Variants in RANBP3 observed in about 807,000 individuals in gnomAD.
RANBP3 encodes RAN binding protein 3.
A neutral mutation model predicts 77.3 loss-of-function variants in RANBP3; 14 were observed. The ratio of observed to expected loss-of-function variants is 0.18; its 90% confidence interval spans 0.12 to 0.28. The LOEUF (loss-of-function observed/expected upper bound fraction) is 0.28, where lower values mean the gene tolerates loss of function less well. Among genes scored for constraint, RANBP3 ranks in the 10% least tolerant of loss-of-function variants. The probability of loss-of-function intolerance (pLI) is 1.00; values close to 1 mark genes in which losing one functional copy is unlikely to be tolerated. For synonymous variants in RANBP3, 315 were observed against 312.4 expected (o/e 1.01, Z -0.09); for missense variants, 586 against 752.3 (o/e 0.78, Z 2.59).
At chr19:5,975,309 AG>A (rs1178224685) in intron 1 of RANBP3, among the ~76,000 whole-genome samples, 5 of 152,142 alleles carry the variant, frequency 3.3e-5, no homozygotes, top group African/African-American at 1.2e-4. Flanking sequence ...GGCACTTACT[AG>A]GGAAAAAAAG....
At chr19:5,925,813 C>A in intron 9 of RANBP3, 76 bp from the exon 10 acceptor site, 1 of 1,232,146 alleles carries the variant, frequency 8.1e-7, no homozygotes, top group Non-Finnish European at 1.2e-6. Context: ...GTCTGCAGAC[C>A]CCCTGAGCTG....
At chr19:5,964,062 G>A (rs931922709) in intron 1 of RANBP3, among the ~76,000 whole-genome samples, 3 of 152,170 alleles carry the variant, frequency 2.0e-5, no homozygotes, top group African/African-American at 7.2e-5. Flanking sequence ...GCTGGCATCC[G>A]GGCCCACGGT....
At chr19:5,919,486 C>T (rs567410227) in intron 14 of RANBP3, among the ~76,000 whole-genome samples, 1 of 152,338 alleles carries the variant, frequency 6.6e-6, no homozygotes, top group African/African-American at 2.4e-5. Context: ...GGTACTGCTG[C>T]CACGGGGCTA....
intron 2 of RANBP3, 80 bp from the exon 3 acceptor site, chr19:5,951,676 G>C: frequency 7.7e-7 from 1 of 1,299,420 alleles, no homozygotes; most frequent in Non-Finnish European, 1.1e-6. Context: ...AGGGGTCAGA[G>C]GCTGGAGCTG....
At chr19:5,933,295 C>T in intron 6 of RANBP3, 119 bp downstream of exon 6, 1 of 787,208 alleles carries the variant, frequency 1.3e-6, no homozygotes, top group Non-Finnish European at 2.0e-6. Context: ...GCTCGTGGGT[C>T]AAGTTACAAG....
chr19:5,937,148 G>A (rs973723873), intron 5 of RANBP3, among the ~76,000 whole-genome samples: 6 of 149,646 alleles, frequency 4.0e-5, no homozygotes, highest in South Asian at 2.1e-4. Flanking sequence ...CACTGGGCGC[G>A]AACACTGGAG....
chr19:5,931,286 C>T (rs1177300746), intron 8 of RANBP3, 118 bp downstream of exon 8: 21 of 1,241,178 alleles, frequency 1.7e-5, no homozygotes, highest in South Asian at 3.7e-5. Context: ...AATAGGCCCA[C>T]GTGGAAACTG....
Position 5,917,969 on chromosome 19 carries a change from C to G in RANBP3, c.1485G>C (p.Lys495Asn), listed in dbSNP as rs749809709. 1 of 1,594,296 alleles carries G rather than the reference C, an allele frequency of 6.3e-7. No homozygotes were observed. ...VKVFLISASS[K>N]DTGQLYAALH... The stretch of plus-strand genomic sequence containing the variant: ...GGGCTGCATACAACTGACCTGTGTC[C>G]TTGGAGCTGGCCTGGGAAGGGAGGA... The change falls in exon 16 of 17, where the codon AAG becomes AAC. Residue 495 changes from lysine to asparagine, a missense_variant. Physicochemically the swap from Lys to Asn is moderately conservative, Grantham distance 94. This residue lies in a region of RANBP3 where 128 missense variants were observed against 157.0 expected (regional missense o/e 0.82). Coordinates refer to ENST00000340578, the MANE Select transcript of RANBP3 (RefSeq NM_007322.3).
chr19:5,927,355 G>A (rs1229181894), intron 9 of RANBP3, among the ~76,000 whole-genome samples: 1 of 152,124 alleles, frequency 6.6e-6, no homozygotes, highest in Non-Finnish European at 1.5e-5. Flanking sequence ...AGAAGACAGT[G>A]TTGTCACCCC....
At chr19:5,951,351 C>A in intron 3 of RANBP3, 42 bp downstream of exon 3, 1 of 1,525,614 alleles carries the variant, frequency 6.6e-7, no homozygotes, top group Middle Eastern at 2.2e-4. Context: ...CTGGGTTGGG[C>A]TCCCCCTGGG....
chr19:5,941,969 G>C (rs1362906520), intron 3 of RANBP3, 134 bp from the exon 4 acceptor site: 1 of 983,502 alleles, frequency 1.0e-6, no homozygotes, highest in East Asian at 2.6e-5. Flanking sequence ...CCGAATGAGA[G>C]CCAGGATTTT....
intron 3 of RANBP3, chr19:5,950,925 A>C (rs1379157194): frequency 5.3e-6 from 1 of 188,146 alleles, no homozygotes; most frequent in African/African-American, 2.4e-5. Context: ...TCCAAACACA[A>C]TCAGTCTTGC....
intron 3 of RANBP3, among the ~76,000 whole-genome samples, chr19:5,944,907 TG>T (rs1234909867): frequency 6.6e-6 from 1 of 152,216 alleles, no homozygotes; most frequent in Non-Finnish European, 1.5e-5. Context: ...TCCCTGGTCC[TG>T]GGGGATCTGT....
At chr19:5,956,011 GGCGGGAGATTGCTTGAA>G (rs1355028666) in intron 2 of RANBP3, among the ~76,000 whole-genome samples, 1 of 152,120 alleles carries the variant, frequency 6.6e-6, no homozygotes, top group Non-Finnish European at 1.5e-5. Context: ...AGAAGGCTGA[GGCGGGAGATTGCTTGAA>G]GCCAGGAGTT....
At chr19:5,966,778 C>T (rs553860991) in intron 1 of RANBP3, among the ~76,000 whole-genome samples, 40 of 152,336 alleles carry the variant, frequency 2.6e-4, no homozygotes, top group Non-Finnish European at 4.9e-4. Flanking sequence ...GACTCCAATA[C>T]CTGCCAAGAA....
At position 5,957,906 on chromosome 19, in the gene RANBP3, C is replaced by A; in HGVS notation, c.78+12G>T. ...AGTAACGAAGTGAAGAGAGAACGTA[C>A]CGGCCCCTTACCTTTTGTCCTTTAT... On this transcript the variant is annotated intron_variant, in intron 2 of 16. Transcript: ENST00000340578. 1.2e-6 allele frequency: 2 copies of A among 1,613,816 alleles called. No homozygotes were observed. Among genetic ancestry groups the A allele is most frequent in the South Asian group, 1.1e-5 (1 of 91,046 alleles).
At chr19:5,960,725 G>A (rs748218846) in intron 1 of RANBP3, among the ~76,000 whole-genome samples, 13 of 152,252 alleles carry the variant, frequency 8.5e-5, no homozygotes, top group African/African-American at 3.1e-4. Context: ...GAACCGTGTC[G>A]GTGGATCTGC....
intron 2 of RANBP3, 72 bp downstream of exon 2, chr19:5,957,846 G>C (rs2058353561): frequency 6.4e-7 from 1 of 1,562,138 alleles, no homozygotes; most frequent in East Asian, 2.2e-5. Context: ...ATGCGACCTG[G>C]AAAAGAGACT....
chr19:5,950,064 C>A (rs1048896805), intron 3 of RANBP3, among the ~76,000 whole-genome samples: 1 of 152,272 alleles, frequency 6.6e-6, no homozygotes, highest in South Asian at 2.1e-4. Context: ...CTGAGAACAC[C>A]ATTTCCTGTG....
Sources: allele counts gnomAD v4.1 joint callset (sites outside exome capture counted in the v4.1 genomes callset), GRCh38; gene constraint gnomAD v4.1.1; regional missense constraint gnomAD v4.1.1; transcripts MANE v1.5; gene names NCBI Gene and HGNC (gene_info 2026-07-23, HGNC 2026-07-21).